PVT1: variants seen among roughly 807,000 people sequenced by gnomAD.
PVT1 encodes the protein Pvt1 oncogene.
intron 3 of PVT1, among the ~76,000 whole-genome samples, chr8:127,921,257 A>T (rs1025042791): frequency 1.6e-4 from 24 of 152,174 alleles, no homozygotes; most frequent in Non-Finnish European, 2.8e-4. Context: ...GCACTAGCAG[A>T]ATCAGGGTTG....
chr8:127,978,485 A>ATTG (rs780044627), intron 3 of PVT1, among the ~76,000 whole-genome samples: 79 of 148,176 alleles, frequency 5.3e-4, no homozygotes, highest in African/African-American at 1.9e-3. Flanking sequence ...ATTATTATTT[A>ATTG]TTATTATTAT....
chr8:127,924,897 C>T (rs941107976), intron 3 of PVT1, among the ~76,000 whole-genome samples: 1 of 152,168 alleles, frequency 6.6e-6, no homozygotes, highest in Non-Finnish European at 1.5e-5. Flanking sequence ...ATCCACCCAC[C>T]TCGGCCTCCC....
chr8:127,855,698 C>G (rs1815153124), intron 2 of PVT1, among the ~76,000 whole-genome samples: 1 of 152,234 alleles, frequency 6.6e-6, no homozygotes, highest in South Asian at 2.1e-4. Context: ...GAACCCCCAC[C>G]AGCGAGGTTG....
chr8:127,834,475 A>C lies in PVT1; in HGVS notation n.372+38404A>C, dbSNP rs1333243554. Among the ~76,000 whole-genome samples the C allele has an allele frequency of 2.6e-5, 4 of 152,166 alleles. No individual in the cohort carries two copies. The East Asian group carries it at 7.7e-4, about 29-fold the overall frequency. On this transcript the variant is annotated intron_variant and non_coding_transcript_variant, in intron 2 of 10. Coordinates refer to ENST00000651587, the Ensembl canonical transcript of PVT1. The stretch of plus-strand genomic sequence containing the variant: ...CTAAAACCATAAAAACCCTAGATGA[A>C]AACCTAGGCAACACCATTCAGGACA...
chr8:128,021,290 C>CTTTTTGTTTTTTTTT (rs1817431333), intron 4 of PVT1, among the ~76,000 whole-genome samples: 1 of 81,140 alleles, frequency 1.2e-5, no homozygotes, highest in African/African-American at 4.8e-5. Context: ...AGGACTTGTG[C>CTTTTTGTTTTTTTTT]TTTTTTTTTT....
intron 4 of PVT1, among the ~76,000 whole-genome samples, chr8:127,992,690 T>A (rs1459032382): frequency 6.6e-6 from 1 of 152,210 alleles, no homozygotes; most frequent in Non-Finnish European, 1.5e-5. Context: ...ACCCTCTCAG[T>A]GTCATTCTTG....
intron 3 of PVT1, among the ~76,000 whole-genome samples, chr8:127,955,690 C>G (rs1358540399): frequency 1.3e-5 from 2 of 151,604 alleles, no homozygotes; most frequent in Admixed American, 1.3e-4. Context: ...TCGAGTGATT[C>G]TCATGTCTCA....
At chr8:128,024,453 T>C (rs1463806003) in intron 4 of PVT1, among the ~76,000 whole-genome samples, 1 of 146,800 alleles carries the variant, frequency 6.8e-6, no homozygotes, top group East Asian at 1.9e-4. Context: ...TGAGACCCTG[T>C]TTCTACAAAA....
chr8:127,971,667 C>T (rs1816765577), intron 3 of PVT1, among the ~76,000 whole-genome samples: 1 of 152,154 alleles, frequency 6.6e-6, no homozygotes, highest in African/African-American at 2.4e-5. Flanking sequence ...TGACCTTGGA[C>T]AAGGTAGACT....
intron 2 of PVT1, among the ~76,000 whole-genome samples, chr8:127,875,471 TC>T (rs1441916852): frequency 6.6e-6 from 1 of 152,186 alleles, no homozygotes; most frequent in African/African-American, 2.4e-5. Flanking sequence ...CCTCCGTTCC[TC>T]ATCTATGAAA....
At chr8:127,952,849 C>G (rs1816522265) in intron 3 of PVT1, among the ~76,000 whole-genome samples, 1 of 151,770 alleles carries the variant, frequency 6.6e-6, no homozygotes, top group African/African-American at 2.4e-5. Context: ...ACTGCAACCT[C>G]CACCTCCCAG....
At chr8:128,070,533 C>T (rs1428059943) in intron 5 of PVT1, among the ~76,000 whole-genome samples, 2 of 152,200 alleles carry the variant, frequency 1.3e-5, no homozygotes, top group East Asian at 3.8e-4. Flanking sequence ...TTTGACAGCT[C>T]AACCACCTCA....
At chr8:127,867,072 C>T (rs1391402832) in intron 2 of PVT1, among the ~76,000 whole-genome samples, 1 of 152,256 alleles carries the variant, frequency 6.6e-6, no homozygotes, top group Non-Finnish European at 1.5e-5. Context: ...TGGTTTCCAC[C>T]TAGGGCCTGG....
intron 3 of PVT1, among the ~76,000 whole-genome samples, chr8:127,986,361 CCTT>C (rs1352181125): frequency 6.6e-6 from 1 of 152,154 alleles, no homozygotes; most frequent in Non-Finnish European, 1.5e-5. Flanking sequence ...CCCAGCATGA[CCTT>C]CTGCGGTCCC....
chr8:128,091,733 A>G (rs1004436483), intron 5 of PVT1, among the ~76,000 whole-genome samples: 4 of 152,228 alleles, frequency 2.6e-5, no homozygotes, highest in Admixed American at 1.3e-4. Context: ...TCATGTATAT[A>G]TACATACATT....
intron 3 of PVT1, among the ~76,000 whole-genome samples, chr8:127,908,104 C>T (rs1815845076): frequency 6.6e-6 from 1 of 152,108 alleles, no homozygotes; most frequent in Non-Finnish European, 1.5e-5. Flanking sequence ...GCTGCCTCAT[C>T]TTTTTGGAAT....
At chr8:127,894,065 C>T (rs1394043211) in intron 3 of PVT1, among the ~76,000 whole-genome samples, 1 of 152,210 alleles carries the variant, frequency 6.6e-6, no homozygotes, top group Non-Finnish European at 1.5e-5. Flanking sequence ...GCCCTGTTAT[C>T]CCTGACTGCC....
At chr8:127,907,302 C>T (rs892550012) in intron 3 of PVT1, among the ~76,000 whole-genome samples, 1 of 152,180 alleles carries the variant, frequency 6.6e-6, no homozygotes, top group African/African-American at 2.4e-5. Context: ...TTCCAGACCG[C>T]CTGCTTCCTA....
chr8:127,977,036 C>G (rs1385778721), intron 3 of PVT1, among the ~76,000 whole-genome samples: 1 of 152,192 alleles, frequency 6.6e-6, no homozygotes, highest in Non-Finnish European at 1.5e-5. Flanking sequence ...CTCTAGAATA[C>G]TTCGTACCAC....
Sources: allele counts gnomAD v4.1 joint callset (sites outside exome capture counted in the v4.1 genomes callset), GRCh38; gene constraint gnomAD v4.1.1; transcripts MANE v1.5; gene names NCBI Gene and HGNC (gene_info 2026-07-23, HGNC 2026-07-21).